The following PLEKHA7 variants were observed in gnomAD, a reference collection of about 807,000 sequenced individuals.
PLEKHA7 encodes the protein pleckstrin homology domain-containing family A member 7.
A neutral mutation model predicts 170.0 loss-of-function variants in PLEKHA7; 104 were observed. The ratio of observed to expected loss-of-function variants is 0.61; its 90% CI spans 0.52 to 0.72. The LOEUF is 0.72. Ranked by LOEUF, PLEKHA7 falls within the 30% of genes least tolerant of loss-of-function variation. PLEKHA7 has a pLI of 0.00. For synonymous variants in PLEKHA7, 648 were observed against 660.8 expected, an observed-to-expected ratio of 0.98 and a Z score of 0.30; for missense variants, 1,615 against 1,671.7, an observed-to-expected ratio of 0.97 and a Z score of 0.59.
rs1038912466 is a variant in PLEKHA7 at position 16,780,798 on chromosome 11, C to A, written c.3794-1778G>T. ...TTTCCCACCTGCCTACCAGTCAGAACAGTCCCGCCAGCGGCCGCTTTGCCA... is the reference window on the plus strand; with the variant it reads ...TTTCCCACCTGCCTACCAGTCAGAAAAGTCCCGCCAGCGGCCGCTTTGCCA... On this transcript the variant is annotated intron_variant, in intron 26 of 26. Coordinates refer to ENST00000531066, the MANE Select transcript of PLEKHA7 (RefSeq NM_001329630.2). 17 of 163,310 alleles carry A rather than the reference C, an allele frequency of 1.0e-4. 1 individual carries two copies. The highest frequency in any genetic ancestry group is 3.8e-4 in the African/African-American group (16 of 41,742). 10.1% of individuals were successfully genotyped at this position (163,310 alleles called of 1,614,324 possible). A position where few individuals can be genotyped will look rare whatever the true frequency, so the allele number is the denominator to read the frequency against.
At chr11:16,822,069 AT>A (rs1470944001) in intron 10 of PLEKHA7, among the ~76,000 whole-genome samples, 1 of 151,986 alleles carries the variant, frequency 6.6e-6, no homozygotes, top group Non-Finnish European at 1.5e-5. Context: ...TTAACTTCTC[AT>A]CCTTTAGGTC....
At chr11:16,893,091 G>C (rs1856776869) in intron 3 of PLEKHA7, among the ~76,000 whole-genome samples, 1 of 152,174 alleles carries the variant, frequency 6.6e-6, no homozygotes, top group African/African-American at 2.4e-5. Flanking sequence ...CAAACCACTT[G>C]TGAGTAACTG....
chr11:16,799,991 G>C (rs1004141559), intron 17 of PLEKHA7, among the ~76,000 whole-genome samples: 3 of 152,184 alleles, frequency 2.0e-5, no homozygotes, highest in Admixed American at 6.5e-5. Context: ...CAACTTTCTG[G>C]GGTGAGGCTA....
chr11:16,855,569 A>G (rs1853368549), intron 5 of PLEKHA7: 3 of 499,718 alleles, frequency 6.0e-6, no homozygotes, highest in Non-Finnish European at 1.1e-5. Flanking sequence ...GAAAGTGAAG[A>G]ACATGCTCAA....
chr11:16,961,865 G>C (rs1370694201), intron 3 of PLEKHA7, among the ~76,000 whole-genome samples: 1 of 152,138 alleles, frequency 6.6e-6, no homozygotes, highest in Non-Finnish European at 1.5e-5. Flanking sequence ...TGTAAATTAG[G>C]ATCAGTACCA....
chr11:16,842,390 G>C (rs916460976), intron 8 of PLEKHA7: 9 of 152,886 alleles, frequency 5.9e-5, no homozygotes, highest in African/African-American at 2.2e-4. Context: ...CTGCACACCA[G>C]TCGAAGAGGA....
intron 3 of PLEKHA7, among the ~76,000 whole-genome samples, chr11:16,992,075 A>ACC (rs35949484): frequency 0.012 from 1,762 of 151,072 alleles, 15 homozygotes; most frequent in Middle Eastern, 0.038. Flanking sequence ...TGGTCCAGGG[A>ACC]CCCCCCCCAG....
At position 16,789,627 on chromosome 11, in the gene PLEKHA7, A is replaced by C. The variant is rs569714394; in HGVS notation, c.3156+148T>G. 211 of 675,114 alleles carry C rather than the reference A, an allele frequency of 3.1e-4. No individual in the cohort carries two copies. Among genetic ancestry groups the C allele is most frequent in the Middle Eastern group, 1.2e-3 (3 of 2,442 alleles). 41.8% of individuals were successfully genotyped at this position (675,114 alleles called of 1,614,324 possible). On this transcript the variant is annotated intron_variant, in intron 22 of 26. Transcript: ENST00000531066. The surrounding 1 kb of genome is among the most constrained non-coding windows in gnomAD (Gnocchi z 4.6). ...AGGCAGGATGCCCTCCTTGGTGGAC[A>C]GTGGGTGACAGGGAGCTCAGGAGGG...
chr11:16,802,780 T>G (rs1848684828), intron 15 of PLEKHA7, among the ~76,000 whole-genome samples, 192 bp downstream of exon 15: 1 of 152,156 alleles, frequency 6.6e-6, no homozygotes, highest in Non-Finnish European at 1.5e-5. Context: ...ACTCCTGACC[T>G]CATGATCCAC....
intron 8 of PLEKHA7, among the ~76,000 whole-genome samples, chr11:16,847,500 T>C (rs1418764449): frequency 6.6e-6 from 1 of 152,102 alleles, no homozygotes; most frequent in Non-Finnish European, 1.5e-5. Flanking sequence ...GCTAAAAATG[T>C]GGCTAGAGAT....
At chr11:16,837,912 C>T (rs1219153762) in intron 9 of PLEKHA7, among the ~76,000 whole-genome samples, 1 of 152,128 alleles carries the variant, frequency 6.6e-6, no homozygotes, top group East Asian at 1.9e-4. Context: ...GCCCAACTAT[C>T]GGTGGTGCCC....
At chr11:16,828,175 G>A (rs368640763) in intron 9 of PLEKHA7, among the ~76,000 whole-genome samples, 2 of 152,142 alleles carry the variant, frequency 1.3e-5, no homozygotes, top group East Asian at 3.8e-4. Context: ...ATCTCATCTT[G>A]AACTGTAGTT....
intron 24 of PLEKHA7, among the ~76,000 whole-genome samples, chr11:16,785,300 T>A (rs915728635): frequency 6.6e-6 from 1 of 152,246 alleles, no homozygotes; most frequent in Non-Finnish European, 1.5e-5. Context: ...AGGTCTCGCC[T>A]CGATCCATCC....
intron 3 of PLEKHA7, among the ~76,000 whole-genome samples, chr11:16,943,446 C>T (rs1430543690): frequency 2.0e-5 from 3 of 152,104 alleles, no homozygotes; most frequent in Admixed American, 1.3e-4. Flanking sequence ...CTCCCTCCCC[C>T]GATACAGGAA....
chr11:16,875,734 G>A (rs141599049), intron 3 of PLEKHA7, among the ~76,000 whole-genome samples: 128 of 152,144 alleles, frequency 8.4e-4, no homozygotes, highest in Middle Eastern at 3.4e-3. Flanking sequence ...GTGAGCCACC[G>A]TGCTCGGCCT....
At chr11:16,831,161 C>T (rs1456121056) in intron 9 of PLEKHA7, among the ~76,000 whole-genome samples, 1 of 152,166 alleles carries the variant, frequency 6.6e-6, no homozygotes, top group Non-Finnish European at 1.5e-5. Flanking sequence ...ACATAAAATG[C>T]ACCTTTGTTC....
intron 26 of PLEKHA7, among the ~76,000 whole-genome samples, chr11:16,782,443 G>T (rs892033166): frequency 1.3e-5 from 2 of 152,160 alleles, no homozygotes; most frequent in Admixed American, 1.3e-4. Context: ...TGAAAAACCT[G>T]TTCTTAGCTC....
chr11:16,811,539 T>C (rs1429577308), intron 13 of PLEKHA7, among the ~76,000 whole-genome samples: 2 of 152,156 alleles, frequency 1.3e-5, no homozygotes, highest in African/African-American at 4.8e-5. Context: ...GGAACAACCC[T>C]GTCTGTCCCC....
intron 9 of PLEKHA7, among the ~76,000 whole-genome samples, chr11:16,830,305 C>T (rs1265516726): frequency 3.9e-5 from 6 of 152,150 alleles, no homozygotes; most frequent in African/African-American, 1.4e-4. Context: ...TTATTTCTCA[C>T]ATCCAGGAAA....
Sources: gnomAD v4.1 joint callset for allele counts (sites outside exome capture counted in the v4.1 genomes callset) on GRCh38, gnomAD v4.1.1 for gene constraint, Gnocchi (gnomAD v3.1) non-coding constraint, MANE v1.5 for transcripts, NCBI Gene and HGNC (gene_info 2026-07-23, HGNC 2026-07-21) for gene names.